APPL1: variants seen among roughly 807,000 people sequenced by gnomAD.
APPL1 encodes the protein adaptor protein, phosphotyrosine interacting with PH domain and leucine zipper 1.
Under a neutral mutation model 106.8 loss-of-function variants are expected in APPL1, and 42 were observed. The ratio of observed to expected loss-of-function variants is 0.39; its 90% confidence interval spans 0.31 to 0.51. The LOEUF is 0.51. Ranked by LOEUF, APPL1 falls within the 20% of genes least tolerant of loss-of-function variation. The probability of loss-of-function intolerance (pLI) is 0.75; values close to 1 mark genes in which losing one functional copy is unlikely to be tolerated. For synonymous variants in APPL1, 263 were observed against 281.8 expected (o/e 0.93, Z 0.67); for missense variants, 769 against 858.2 (o/e 0.90, Z 1.30).
chr3:57,259,737 AAGG>A (rs1358700103), intron 16 of APPL1, 105 bp from the exon 17 acceptor site: 2 of 944,956 alleles, frequency 2.1e-6, no homozygotes, highest in African/African-American at 1.7e-5. Flanking sequence ...GAAAACCTAA[AAGG>A]AGGCAGTGTA....
Position 57,260,031 on chromosome 3 carries a change from C to A in APPL1, c.1658+12C>A, listed in dbSNP as rs2060857115. The A allele has an allele frequency of 1.2e-6, 2 of 1,609,362 alleles. No individual in the cohort carries two copies. Among genetic ancestry groups the A allele is most frequent in the Admixed American group, 1.7e-5 (1 of 58,562 alleles). ...TGTGACTGTTTAAAGTAAGTAAAAC[C>A]CTCCCTTAAAAAACTGTAGAAAAAA... On this transcript the variant is annotated intron_variant, in intron 17 of 21. Transcript: ENST00000288266.
At position 57,269,897 on chromosome 3, in the gene APPL1, T is replaced by C. The variant is rs1015937209; in HGVS notation, c.*210T>C. The C allele has an allele frequency of 2.1e-4, 95 of 453,624 alleles. No homozygotes were observed. The highest frequency in any genetic ancestry group is 1.8e-3 in the African/African-American group (92 of 50,542). 28.1% of individuals were successfully genotyped at this position (453,624 alleles called of 1,614,324 possible). A position where few individuals can be genotyped will look rare whatever the true frequency, so the allele number is the denominator to read the frequency against. Reference sequence around the variant, plus strand: ...CCCTTAAACATAATGTACTATGTATTAACATCTAAAGGAAACCTGCTCATC... The same window carrying C: ...CCCTTAAACATAATGTACTATGTATCAACATCTAAAGGAAACCTGCTCATC... On this transcript the variant is annotated 3_prime_UTR_variant, in exon 22 of 22. Transcript: ENST00000288266.
chr3:57,260,599 ATG>A lies in APPL1; in HGVS notation c.1696-27_1696-26del, dbSNP rs766369353. The A allele has an allele frequency of 1.3e-5, 21 of 1,590,128 alleles. No homozygotes were observed. The South Asian group carries it at 2.4e-4, about 18-fold the overall frequency. On this transcript the variant is annotated intron_variant, in intron 18 of 21. Transcript: ENST00000288266. ...CTGCTGTAATGACTTGTAAGATCTC[ATG>A]TTTGCTTCTGATGTTTTCTGTGGCA... is the stretch of plus-strand genomic sequence containing the variant.
In APPL1 at chr3:57,240,569, T is replaced by C; in HGVS notation, c.373+17T>C. On this transcript the variant is annotated intron_variant, in intron 5 of 21. Transcript: ENST00000288266. Reference sequence around the variant, plus strand: ...ATCTGAAAGGTATTGAAGTCAAGCTTATGTTTACTTTCATTGGCTGTGAGA... The same window carrying C: ...ATCTGAAAGGTATTGAAGTCAAGCTCATGTTTACTTTCATTGGCTGTGAGA... 6.3e-7 allele frequency: 1 copy of C among 1,593,456 alleles called. No homozygotes were observed.
At chr3:57,251,884 GAAGTA>G (rs2060806911) in intron 11 of APPL1, among the ~76,000 whole-genome samples, 1 of 152,014 alleles carries the variant, frequency 6.6e-6, no homozygotes, top group Non-Finnish European at 1.5e-5. Flanking sequence ...GAGAAATAAT[GAAGTA>G]AAGTTTTTTC....
At chr3:57,231,608 C>G (rs2060687302) in intron 1 of APPL1, among the ~76,000 whole-genome samples, 1 of 151,780 alleles carries the variant, frequency 6.6e-6, no homozygotes, top group African/African-American at 2.4e-5. Context: ...GGTGGGGGTT[C>G]AAGACCACCC....
At chr3:57,255,530 C>A (rs2060830459) in intron 13 of APPL1, among the ~76,000 whole-genome samples, 1 of 152,114 alleles carries the variant, frequency 6.6e-6, no homozygotes, top group South Asian at 2.1e-4. Context: ...CTTTGAGGTG[C>A]CAGCTAAGGA....
rs573144856 is a variant in APPL1 at position 57,270,418 on chromosome 3, A to C, written c.*731A>C. On this transcript the variant is annotated 3_prime_UTR_variant, in exon 22 of 22. Coordinates refer to ENST00000288266, the MANE Select transcript of APPL1 (RefSeq NM_012096.3). ...GTTGGGACTTCAATTACTGCTGCAGAGCAGTAGTGGTTAAAAATAAGATAT... is the reference window on the plus strand; with the variant it reads ...GTTGGGACTTCAATTACTGCTGCAGCGCAGTAGTGGTTAAAAATAAGATAT... 4 of 152,784 alleles carry C rather than the reference A, an allele frequency of 2.6e-5. No homozygotes were observed. The highest frequency in any genetic ancestry group is 7.2e-5 in the African/African-American group (3 of 41,582). The allele number at this position is 152,784 out of a possible 1,614,324, so 9.5% of individuals were successfully genotyped here.
rs560796383 is a variant in APPL1 at position 57,240,798 on chromosome 3, ACACTTATGT to A, written c.373+248_373+256del. On this transcript the variant is annotated intron_variant, in intron 5 of 21. Transcript: ENST00000288266. ...GGAAGTGGGCACATGCATAATTACA[ACACTTATGT>A]CTCTTATAATTAGGGAATGAGCAAG... is the stretch of plus-strand genomic sequence containing the variant. Among the ~76,000 whole-genome samples, 1,128 of 152,300 alleles carry A rather than the reference ACACTTATGT, an allele frequency of 7.4e-3. 11 individuals are homozygous for A. Among genetic ancestry groups the A allele is most frequent in the African/African-American group, 0.026 (1,081 of 41,562 alleles).
chr3:57,240,840 C>T (rs575561972), intron 5 of APPL1, among the ~76,000 whole-genome samples: 2 of 152,234 alleles, frequency 1.3e-5, no homozygotes, highest in African/African-American at 2.4e-5. Context: ...AAGGTGCTGG[C>T]GGGGCTGTTA....
At position 57,228,483 on chromosome 3, in the gene APPL1, C is replaced by A. The variant is rs2060665917; in HGVS notation, c.54+546C>A. 6.6e-6 allele frequency among the ~76,000 whole-genome samples: 1 copy of A among 152,222 alleles called. No individual in the cohort carries two copies. Among genetic ancestry groups the A allele is most frequent in the South Asian group, 2.1e-4 (1 of 4,830 alleles). ...GACCGCTCTCCCCGCCGAATGTGCC[C>A]GTGTCGCGGCCGTGACTGTGGTCGC... On this transcript the variant is annotated intron_variant, in intron 1 of 21. Coordinates refer to ENST00000288266, the MANE Select transcript of APPL1 (RefSeq NM_012096.3). The surrounding 1 kb of genome is among the most constrained non-coding windows in gnomAD (Gnocchi z 4.6).
intron 12 of APPL1, 115 bp downstream of exon 12, chr3:57,252,426 ATCTT>A (rs1004538807): frequency 1.6e-5 from 11 of 690,042 alleles, no homozygotes; most frequent in African/African-American, 1.5e-4. Flanking sequence ...TTAATTAAAA[ATCTT>A]TCTTTTTCTT....
intron 7 of APPL1, 81 bp from the exon 8 acceptor site, chr3:57,245,995 C>A: frequency 9.9e-7 from 1 of 1,006,342 alleles, no homozygotes; most frequent in Non-Finnish European, 1.4e-6. Context: ...CTCTTCTCCA[C>A]AGCTCCTACT....
At chr3:57,250,943 G>GA (rs1178438512) in intron 11 of APPL1, among the ~76,000 whole-genome samples, 12 of 149,550 alleles carry the variant, frequency 8.0e-5, no homozygotes, top group African/African-American at 2.9e-4. Flanking sequence ...GAGTAGCTGG[G>GA]ACTACAGGCG....
intron 19 of APPL1, among the ~76,000 whole-genome samples, chr3:57,263,043 G>T (rs962114152): frequency 6.6e-6 from 1 of 151,262 alleles, no homozygotes; most frequent in African/African-American, 2.4e-5. Flanking sequence ...TAGAGACAGG[G>T]TTTCTCCATG....
At chr3:57,267,240 C>T (rs915840089) in intron 19 of APPL1, among the ~76,000 whole-genome samples, 12 of 152,076 alleles carry the variant, frequency 7.9e-5, no homozygotes, top group Admixed American at 7.2e-4. Flanking sequence ...GGAAAAAACT[C>T]CCAAATTTTG....
At position 57,248,269 on chromosome 3, in the gene APPL1, T is replaced by A. The variant is rs1182273899; in HGVS notation, c.781T>A (p.Leu261Ile). ...GGATTTGGAAGTAGCCAGTGATCCC[T>A]TATATGTGCCTGACCCAGACCCCAC... ...IEDLEVASDPLYVPDPDPTKF... is the reference protein window; with the variant it reads ...IEDLEVASDPIYVPDPDPTKF... The change falls in exon 10 of 22, where the codon TTA becomes ATA. Residue 261 changes from leucine to isoleucine, a missense_variant. Physicochemically the swap from Leu to Ile is conservative, Grantham distance 5 (BLOSUM62 2). Transcript: ENST00000288266. 2.5e-6 allele frequency: 4 copies of A among 1,614,140 alleles called. No homozygotes were observed. Among genetic ancestry groups the A allele is most frequent in the Non-Finnish European group, 1.7e-6 (2 of 1,180,014 alleles).
At chr3:57,264,572 ATAAAAAAAATAAAAAAAAAT>A (rs1242997544) in intron 19 of APPL1, among the ~76,000 whole-genome samples, 1 of 146,652 alleles carries the variant, frequency 6.8e-6, no homozygotes, top group African/African-American at 2.7e-5. Flanking sequence ...TTAAAAAAAA[ATAAAAAAAATAAAAAAAAAT>A]TTTTTTAAAA....
In APPL1 at chr3:57,227,804, G is replaced by T; in HGVS notation, c.-80G>T. On this transcript the variant is annotated 5_prime_UTR_variant, in exon 1 of 22. Coordinates refer to ENST00000288266, the MANE Select transcript of APPL1 (RefSeq NM_012096.3). Reference sequence around the variant, plus strand: ...GCCCTTGCCGGAGAGGGCGGGCCGGGGTCAGCTGCGGCGGGCGGGCCGGCG... The same window carrying T: ...GCCCTTGCCGGAGAGGGCGGGCCGGTGTCAGCTGCGGCGGGCGGGCCGGCG... 7.9e-7 allele frequency: 1 copy of T among 1,264,838 alleles called. No homozygotes were observed. Among genetic ancestry groups the T allele is most frequent in the Non-Finnish European group, 1.1e-6 (1 of 952,192 alleles). The allele number at this position is 1,264,838 out of a possible 1,614,324, so 78.4% of individuals were successfully genotyped here.
Sources: allele counts gnomAD v4.1 joint callset (sites outside exome capture counted in the v4.1 genomes callset), GRCh38; gene constraint gnomAD v4.1.1; non-coding constraint Gnocchi (gnomAD v3.1); transcripts MANE v1.5; gene names NCBI Gene and HGNC (gene_info 2026-07-23, HGNC 2026-07-21).